The following PLEKHA8 variants were observed in gnomAD, a reference collection of about 807,000 sequenced individuals.
The protein encoded by PLEKHA8 is pleckstrin homology domain containing A8.
In PLEKHA8, 36 loss-of-function variants were observed where a neutral mutation model predicts 68.2. The observed-to-expected ratio is 0.53, with a 90% CI of 0.40 to 0.70. The LOEUF is 0.70. Ranked by LOEUF, PLEKHA8 falls within the 30% of genes least tolerant of loss-of-function variation. The pLI is 0.00. For synonymous variants in PLEKHA8, 211 were observed against 216.1 expected, an observed-to-expected ratio of 0.98 and a Z score of 0.20; for missense variants, 505 against 615.4, an observed-to-expected ratio of 0.82 and a Z score of 1.90.
At chr7:30,115,852 A>G (rs566471739) in intron 13 of PLEKHA8, 4 of 149,486 alleles carry the variant, frequency 2.7e-5, no homozygotes, top group Admixed American at 1.3e-4. Flanking sequence ...ACACGTATGC[A>G]TACATACGTG....
intron 12 of PLEKHA8, among the ~76,000 whole-genome samples, chr7:30,065,270 G>A (rs1204581446): frequency 1.3e-5 from 2 of 152,108 alleles, no homozygotes; most frequent in East Asian, 3.9e-4. Context: ...TGACATTTTT[G>A]TCCTGATGTT....
chr7:30,124,601 A>C (rs1297595708), intron 13 of PLEKHA8, among the ~76,000 whole-genome samples: 1 of 152,154 alleles, frequency 6.6e-6, no homozygotes, highest in Non-Finnish European at 1.5e-5. Context: ...CGACAATGTA[A>C]AAGGTTATTC....
At chr7:30,095,839 A>G (rs1180186364) in intron 13 of PLEKHA8, among the ~76,000 whole-genome samples, 1 of 152,148 alleles carries the variant, frequency 6.6e-6, no homozygotes, top group Non-Finnish European at 1.5e-5. Flanking sequence ...AGTTGTAGAT[A>G]TGTGGCATTA....
intron 13 of PLEKHA8, among the ~76,000 whole-genome samples, chr7:30,101,703 T>C (rs1795860289): frequency 6.6e-6 from 1 of 152,122 alleles, no homozygotes; most frequent in Non-Finnish European, 1.5e-5. Flanking sequence ...GAAAATTTAA[T>C]AAAATATGTG....
intron 1 of PLEKHA8, among the ~76,000 whole-genome samples, chr7:30,034,776 C>T (rs376809757): frequency 1.3e-5 from 2 of 152,046 alleles, no homozygotes; most frequent in Non-Finnish European, 2.9e-5. Flanking sequence ...ATGCAAGGAT[C>T]AACTGTATTT....
At chr7:30,126,057 C>G (rs192280570) in intron 13 of PLEKHA8, among the ~76,000 whole-genome samples, 38 of 151,942 alleles carry the variant, frequency 2.5e-4, no homozygotes, top group African/African-American at 8.9e-4. Context: ...TTAAAAACAG[C>G]CACTCTAAGT....
At chr7:30,042,017 G>C (rs1791579269) in intron 1 of PLEKHA8, among the ~76,000 whole-genome samples, 1 of 152,132 alleles carries the variant, frequency 6.6e-6, no homozygotes, top group Admixed American at 6.5e-5. Flanking sequence ...TGAATCAATA[G>C]ACCTTATAAA....
intron 13 of PLEKHA8, among the ~76,000 whole-genome samples, chr7:30,127,192 T>C (rs1278339935): frequency 1.3e-5 from 2 of 152,238 alleles, no homozygotes; most frequent in Non-Finnish European, 2.9e-5. Flanking sequence ...ACCAGCCACT[T>C]TTCAGAAGCT....
At chr7:30,094,420 G>T (rs1012102412), downstream of PLEKHA8, among the ~76,000 whole-genome samples, 15 of 151,710 alleles carry the variant, frequency 9.9e-5, no homozygotes, top group African/African-American at 3.6e-4. Flanking sequence ...GATTATAGGC[G>T]CCTGCCACCA....
At chr7:30,078,529 A>G (rs748100717) in intron 13 of PLEKHA8, 61 bp from the exon 14 acceptor site, 283 of 1,570,646 alleles carry the variant, frequency 1.8e-4, no homozygotes, top group Non-Finnish European at 2.4e-4. Flanking sequence ...GTGCACATGC[A>G]TAAAAATAAG....
At chr7:30,047,642 A>G (rs1195359286) in intron 3 of PLEKHA8, among the ~76,000 whole-genome samples, 190 bp from the exon 4 acceptor site, 6 of 152,178 alleles carry the variant, frequency 3.9e-5, no homozygotes, top group African/African-American at 1.4e-4. Context: ...CTGGAGATCT[A>G]CTTTTTCTGG....
chr7:30,087,351 C>A (rs1000126147), downstream of PLEKHA8, among the ~76,000 whole-genome samples: 5 of 152,140 alleles, frequency 3.3e-5, no homozygotes, highest in African/African-American at 9.7e-5. Flanking sequence ...GATAACCCTT[C>A]AATTATACTT....
chr7:30,127,715 T>C (rs753963150), intron 13 of PLEKHA8, among the ~76,000 whole-genome samples: 8 of 152,312 alleles, frequency 5.3e-5, no homozygotes, highest in African/African-American at 1.7e-4. Context: ...AGAACACTTA[T>C]AGGAATGTAA....
In PLEKHA8 at chr7:30,035,025, G is replaced by A. The variant is rs150218536; in HGVS notation, c.40+6223G>A. Among the ~76,000 whole-genome samples, 29 of 151,878 alleles carry A rather than the reference G, an allele frequency of 1.9e-4. 2 individuals are homozygous for A. In the East Asian group the frequency reaches 5.4e-3, roughly 28 times the overall value. On this transcript the variant is annotated intron_variant, in intron 1 of 13. Coordinates refer to ENST00000449726, the MANE Select transcript of PLEKHA8 (RefSeq NM_001197026.2). Reference sequence around the variant, plus strand: ...CCATTTTGAATTAATTTTTGTGTACGATATGAGGTAAGAGTACAGCTTTTT... The same window carrying A: ...CCATTTTGAATTAATTTTTGTGTACAATATGAGGTAAGAGTACAGCTTTTT...
At chr7:30,056,278 T>TTCTCTCTCTCATTCTCTC (rs1554384845) in intron 9 of PLEKHA8, among the ~76,000 whole-genome samples, 9 of 56,384 alleles carry the variant, frequency 1.6e-4, no homozygotes, top group Non-Finnish European at 3.2e-4. Flanking sequence ...TAAAGATATA[T>TTCTCTCTCTCATTCTCTC]TCTCTCTCTC....
At chr7:30,114,666 T>C (rs969079881) in intron 13 of PLEKHA8, among the ~76,000 whole-genome samples, 21 of 152,196 alleles carry the variant, frequency 1.4e-4, no homozygotes, top group Non-Finnish European at 3.1e-4. Context: ...CTCCTGCATT[T>C]CATTATTTGT....
chr7:30,093,551 G>A (rs186739451), downstream of PLEKHA8, among the ~76,000 whole-genome samples: 510 of 152,298 alleles, frequency 3.3e-3, 3 homozygotes, highest in Non-Finnish European at 5.4e-3. Context: ...CCTCACCATG[G>A]GATTTTGAGC....
At chr7:30,125,055 G>A (rs536516721) in intron 13 of PLEKHA8, among the ~76,000 whole-genome samples, 14 of 151,892 alleles carry the variant, frequency 9.2e-5, no homozygotes, top group African/African-American at 3.4e-4. Flanking sequence ...ATTTTTAAAT[G>A]TACAGAAAAT....
chr7:30,104,180 C>A (rs1459888702), intron 13 of PLEKHA8, among the ~76,000 whole-genome samples: 2 of 152,114 alleles, frequency 1.3e-5, no homozygotes, highest in African/African-American at 2.4e-5. Flanking sequence ...GTTTGGTGAA[C>A]ATTAAAAGAA....
Sources: gnomAD v4.1 joint callset for allele counts (sites outside exome capture counted in the v4.1 genomes callset) on GRCh38, gnomAD v4.1.1 for gene constraint, MANE v1.5 for transcripts, NCBI Gene and HGNC (gene_info 2026-07-23, HGNC 2026-07-21) for gene names.